CCSER1: variants seen among roughly 807,000 people sequenced by gnomAD.
CCSER1 encodes serine-rich coiled-coil domain-containing protein 1.
CCSER1 carries 41 observed loss-of-function variants against 82.0 expected under a neutral mutation model. That is an observed-to-expected ratio of 0.50 (90% CI 0.39 to 0.65). The LOEUF (loss-of-function observed/expected upper bound fraction) is 0.65, where lower values mean the gene tolerates loss of function less well. Ranked by LOEUF, CCSER1 falls within the 30% of genes least tolerant of loss-of-function variation. The probability of loss-of-function intolerance (pLI) is 0.00; values close to 1 mark genes in which losing one functional copy is unlikely to be tolerated. For missense variants in CCSER1, 1,119 were observed against 1,064.2 expected (o/e 1.05, Z -0.72); for synonymous variants, 414 against 383.9 (o/e 1.08, Z -0.92).
chr4:90,305,351 T>C (rs775257014), intron 1 of CCSER1, among the ~76,000 whole-genome samples: 2 of 152,238 alleles, frequency 1.3e-5, no homozygotes, highest in African/African-American at 2.4e-5. Context: ...GTCTGTAGGT[T>C]CACAACCAGC....
intron 5 of CCSER1, among the ~76,000 whole-genome samples, chr4:90,474,401 G>C (rs1024789894): frequency 6.6e-6 from 1 of 152,216 alleles, no homozygotes; most frequent in Non-Finnish European, 1.5e-5. Flanking sequence ...GCCAAATCAT[G>C]TTAGCAGGGC....
intron 9 of CCSER1, among the ~76,000 whole-genome samples, chr4:91,062,969 T>C (rs1744082930): frequency 1.3e-5 from 2 of 152,132 alleles, no homozygotes; most frequent in African/African-American, 2.4e-5. Flanking sequence ...AACCAATGAT[T>C]TATTTGAGCA....
chr4:90,328,847 G>A (rs1579212939), intron 3 of CCSER1, among the ~76,000 whole-genome samples: 1 of 151,988 alleles, frequency 6.6e-6, no homozygotes. Flanking sequence ...GTTGGGGAGG[G>A]GTGGGAAGTT....
rs1029537627 is a variant in CCSER1, at chr4:90,647,597, T to A, written c.1932+19365T>A. On this transcript the variant is annotated intron_variant, in intron 6 of 10. Transcript: ENST00000509176. The stretch of plus-strand genomic sequence containing the variant: ...GTGAAATAGGATGAATATTCAGTGA[T>A]TTTAAAAATTGTGAAAAATAAAAAC... 3.3e-5 allele frequency among the ~76,000 whole-genome samples: 5 copies of A among 152,166 alleles called. No individual in the cohort carries two copies. The East Asian group carries it at 5.8e-4, about 18-fold the overall frequency.
chr4:90,543,890 C>A (rs770137485), intron 5 of CCSER1, among the ~76,000 whole-genome samples: 1 of 152,076 alleles, frequency 6.6e-6, no homozygotes, highest in Non-Finnish European at 1.5e-5. Flanking sequence ...ACCCTCGGAT[C>A]TGAAATTGTG....
intron 5 of CCSER1, among the ~76,000 whole-genome samples, chr4:90,475,986 C>T (rs1765026330): frequency 6.6e-6 from 1 of 151,894 alleles, no homozygotes; most frequent in Admixed American, 6.6e-5. Flanking sequence ...ACATAAAGCC[C>T]TAGAAGCAAT....
intron 10 of CCSER1, among the ~76,000 whole-genome samples, chr4:91,574,083 C>T (rs777797600): frequency 7.3e-5 from 11 of 151,722 alleles, no homozygotes; most frequent in Non-Finnish European, 1.6e-4. Flanking sequence ...ATTCCTACTA[C>T]CCAAAGTGAT....
At chr4:91,033,059 C>CA (rs142784918) in intron 9 of CCSER1, among the ~76,000 whole-genome samples, 65,378 of 148,850 alleles carry the variant, frequency 0.44, 14,240 homozygotes, top group Non-Finnish European at 0.46. Context: ...TACAAATAAA[C>CA]AAAAAAAAAA....
chr4:91,411,260 G>A (rs1753003905), intron 10 of CCSER1, among the ~76,000 whole-genome samples: 2 of 151,484 alleles, frequency 1.3e-5, no homozygotes, highest in South Asian at 4.2e-4. Flanking sequence ...AAGAAATTAA[G>A]TCCAACTGAA....
intron 3 of CCSER1, among the ~76,000 whole-genome samples, chr4:90,322,738 G>A (rs777182587): frequency 6.6e-6 from 1 of 152,076 alleles, no homozygotes; most frequent in Non-Finnish European, 1.5e-5. Flanking sequence ...TGCTTACCAG[G>A]CAAAGTCTCT....
At chr4:91,026,244 C>T (rs989019221) in intron 9 of CCSER1, among the ~76,000 whole-genome samples, 4 of 152,024 alleles carry the variant, frequency 2.6e-5, no homozygotes, top group Non-Finnish European at 1.5e-5. Flanking sequence ...TAAACTTTGC[C>T]ATTGTTCCTT....
At chr4:90,941,523 T>G (rs1271738575) in intron 9 of CCSER1, among the ~76,000 whole-genome samples, 1 of 152,152 alleles carries the variant, frequency 6.6e-6, no homozygotes, top group Non-Finnish European at 1.5e-5. Flanking sequence ...TAAAACAAAA[T>G]GCAATTTCTT....
intron 1 of CCSER1, among the ~76,000 whole-genome samples, chr4:90,262,907 TG>T (rs1724587550): frequency 6.6e-6 from 1 of 152,158 alleles, no homozygotes; most frequent in African/African-American, 2.4e-5. Context: ...GTGCTCCTCC[TG>T]TGGGGACATA....
chr4:90,776,014 C>CTA (rs1752842569), intron 7 of CCSER1, among the ~76,000 whole-genome samples: 1 of 151,872 alleles, frequency 6.6e-6, no homozygotes, highest in Admixed American at 6.6e-5. Context: ...CAGCAGCTTA[C>CTA]ACAGCATGCA....
At chr4:90,542,124 A>G (rs1278859199) in intron 5 of CCSER1, among the ~76,000 whole-genome samples, 1 of 152,116 alleles carries the variant, frequency 6.6e-6, no homozygotes, top group Non-Finnish European at 1.5e-5. Flanking sequence ...GAATTGTGAT[A>G]AAAGAACTTT....
intron 5 of CCSER1, among the ~76,000 whole-genome samples, chr4:90,487,210 C>T (rs1328574626): frequency 6.6e-6 from 1 of 152,176 alleles, no homozygotes; most frequent in Non-Finnish European, 1.5e-5. Context: ...CTGGTCCCGG[C>T]CGTCTCTATT....
chr4:90,540,045 A>G (rs1775910215), intron 5 of CCSER1, among the ~76,000 whole-genome samples: 1 of 152,114 alleles, frequency 6.6e-6, no homozygotes, highest in South Asian at 2.1e-4. Flanking sequence ...TCTATAAGGA[A>G]CGGAGCAAAT....
intron 6 of CCSER1, among the ~76,000 whole-genome samples, chr4:90,637,606 A>G (rs1725662600): frequency 6.6e-6 from 1 of 152,102 alleles, no homozygotes; most frequent in Admixed American, 6.6e-5. Context: ...GCATCAATTC[A>G]AAGTGCAGAA....
At chr4:91,074,971 G>A (rs1218111206) in intron 9 of CCSER1, among the ~76,000 whole-genome samples, 1 of 152,090 alleles carries the variant, frequency 6.6e-6, no homozygotes, top group African/African-American at 2.4e-5. Context: ...ATTAGATAGT[G>A]ATTTCTGCCT....
Sources: gnomAD v4.1 joint callset for allele counts (sites outside exome capture counted in the v4.1 genomes callset) on GRCh38, gnomAD v4.1.1 for gene constraint, MANE v1.5 for transcripts, NCBI Gene and HGNC (gene_info 2026-07-23, HGNC 2026-07-21) for gene names.